The following ZHX3 variants were observed in gnomAD, a reference collection of about 807,000 sequenced individuals.
The protein encoded by ZHX3 is zinc fingers and homeoboxes protein 3.
ZHX3 carries 20 observed loss-of-function variants against 64.5 expected under a neutral mutation model. The ratio of observed to expected loss-of-function variants is 0.31; its 90% CI spans 0.22 to 0.45. The LOEUF (loss-of-function observed/expected upper bound fraction) is 0.45. Among genes scored for constraint, ZHX3 ranks in the 20% least tolerant of loss-of-function variants. The pLI is 1.00. For synonymous variants in ZHX3, 423 were observed against 461.6 expected (o/e 0.92, Z 1.07); for missense variants, 1,041 against 1,195.8 (o/e 0.87, Z 1.91).
intron 2 of ZHX3, among the ~76,000 whole-genome samples, chr20:41,256,756 T>C (rs2042274357): frequency 6.6e-6 from 1 of 151,608 alleles, no homozygotes; most frequent in African/African-American, 2.4e-5. Context: ...CTAGACTCCA[T>C]GCAGACTTCC....
intron 1 of ZHX3, among the ~76,000 whole-genome samples, chr20:41,282,283 T>C (rs2043715379): frequency 1.3e-5 from 2 of 150,852 alleles, no homozygotes; most frequent in Admixed American, 6.6e-5. Flanking sequence ...CAAGTAACAA[T>C]CTTCCTCAAC....
chr20:41,196,341 ATATAAATATATATCT>A (rs1219297827), intron 3 of ZHX3, among the ~76,000 whole-genome samples: 5 of 98,728 alleles, frequency 5.1e-5, no homozygotes, highest in Non-Finnish European at 9.8e-5. Flanking sequence ...TTTATTTCAT[ATATAAATATATATCT>A]TATAAATATA....
At chr20:41,264,124 C>T (rs982573780) in intron 2 of ZHX3, among the ~76,000 whole-genome samples, 11 of 151,892 alleles carry the variant, frequency 7.2e-5, no homozygotes, top group Non-Finnish European at 1.5e-4. Context: ...AATCAAATAA[C>T]TAGGCCAGGC....
intron 2 of ZHX3, among the ~76,000 whole-genome samples, chr20:41,241,081 G>A (rs1317168668): frequency 2.6e-5 from 4 of 152,130 alleles, no homozygotes; most frequent in Admixed American, 6.5e-5. Context: ...GTTTTTAGAG[G>A]AACCTCCAAA....
intron 1 of ZHX3, among the ~76,000 whole-genome samples, chr20:41,312,748 T>A (rs1463359024): frequency 6.6e-6 from 1 of 152,122 alleles, no homozygotes; most frequent in East Asian, 1.9e-4. Flanking sequence ...ACGGCATGTT[T>A]GAGGAACTGA....
chr20:41,189,525 T>C (rs945384971), intron 3 of ZHX3, among the ~76,000 whole-genome samples: 1 of 152,208 alleles, frequency 6.6e-6, no homozygotes, highest in African/African-American at 2.4e-5. Flanking sequence ...TGTTTTACAG[T>C]TTTCCTTGCA....
intron 2 of ZHX3, among the ~76,000 whole-genome samples, chr20:41,207,965 A>G (rs1047652219): frequency 2.6e-5 from 4 of 152,232 alleles, no homozygotes; most frequent in Non-Finnish European, 5.9e-5. Flanking sequence ...AAAGAAGAAA[A>G]GAGAGAAGAA....
At chr20:41,302,007 C>T (rs6129806) in intron 1 of ZHX3, among the ~76,000 whole-genome samples, 81,030 of 141,598 alleles carry the variant, frequency 0.57, 24,116 homozygotes, top group East Asian at 0.82. Context: ...TGAGCCGAGA[C>T]TGCGCCACTG....
Position 41,232,716 on chromosome 20 carries a change from C to T in ZHX3, c.-150-27650G>A, listed in dbSNP as rs533332959. ...GCCATTCTCCTGCCTCAGCCTCCCG[C>T]GGGGGACTACAGGCGCCCACCACCT... is the stretch of plus-strand genomic sequence containing the variant. On this transcript the variant is annotated intron_variant, in intron 2 of 3. Transcript: ENST00000683867. This position sits in a 1 kb window ranked among gnomAD's most constrained non-coding sequence, Gnocchi z 5.0. Among the ~76,000 whole-genome samples the T allele has an allele frequency of 1.4e-4, 21 of 152,052 alleles. No individual in the cohort carries two copies. The South Asian group carries it at 4.2e-3, about 30-fold the overall frequency.
In ZHX3 at chr20:41,278,082, G is replaced by A. The variant is rs549433408; in HGVS notation, c.-244-8999C>T. Among the ~76,000 whole-genome samples the A allele has an allele frequency of 1.4e-4, 20 of 138,548 alleles. 4 individuals are homozygous for A. In the South Asian group the frequency reaches 4.6e-3, roughly 32 times the overall value. 90.9% of individuals were successfully genotyped at this position (138,548 alleles called of 152,430 possible). On this transcript the variant is annotated intron_variant, in intron 1 of 3. Coordinates refer to ENST00000683867, the MANE Select transcript of ZHX3 (RefSeq NM_001384317.1). ...GGGGAGGCTGGGTGTGGTGGCTCAC[G>A]CCTGGGATTGTACACTTTGGGAGGT... is the stretch of plus-strand genomic sequence containing the variant.
intron 2 of ZHX3, among the ~76,000 whole-genome samples, chr20:41,234,340 G>T (rs1475126476): frequency 6.6e-6 from 1 of 152,212 alleles, no homozygotes; most frequent in African/African-American, 2.4e-5. Flanking sequence ...TGTGATTAGG[G>T]TTTGAAAGGG....
chr20:41,277,455 C>A (rs980161898), intron 1 of ZHX3, among the ~76,000 whole-genome samples: 3 of 152,170 alleles, frequency 2.0e-5, no homozygotes, highest in Admixed American at 6.5e-5. Context: ...ATTTGATACA[C>A]TCAAATATAC....
At chr20:41,264,385 CAAAAAAA>C (rs1165922837) in intron 2 of ZHX3, among the ~76,000 whole-genome samples, 5 of 74,502 alleles carry the variant, frequency 6.7e-5, no homozygotes, top group Non-Finnish European at 1.3e-4. Context: ...ACCAAAAATA[CAAAAAAA>C]AAAAAAAAAA....
chr20:41,294,978 G>T (rs374400037), intron 1 of ZHX3, among the ~76,000 whole-genome samples: 2 of 152,264 alleles, frequency 1.3e-5, no homozygotes, highest in South Asian at 2.1e-4. Context: ...ATTATACATA[G>T]GCATGAGCCC....
In ZHX3 at chr20:41,212,105, G is replaced by T. The variant is rs1028992324; in HGVS notation, c.-150-7039C>A. 1.3e-5 allele frequency among the ~76,000 whole-genome samples: 2 copies of T among 152,128 alleles called. No homozygotes were observed. The highest frequency in any genetic ancestry group is 4.8e-5 in the African/African-American group (2 of 41,444). On this transcript the variant is annotated intron_variant, in intron 2 of 3. Coordinates refer to ENST00000683867, the MANE Select transcript of ZHX3 (RefSeq NM_001384317.1). The surrounding 1 kb of genome is among the most constrained non-coding windows in gnomAD (Gnocchi z 4.3). ...AAGGTCACCATCAAGAAAGTGAAAAGATAGACAATCCACAGAAAGAAAAGG... is the reference window on the plus strand; with the variant it reads ...AAGGTCACCATCAAGAAAGTGAAAATATAGACAATCCACAGAAAGAAAAGG...
intron 2 of ZHX3, chr20:41,239,565 G>A (rs1165815888): frequency 1.3e-5 from 2 of 152,320 alleles, no homozygotes; most frequent in Non-Finnish European, 2.9e-5. Context: ...ACTGCCACTG[G>A]GTTAATCACT....
intron 2 of ZHX3, among the ~76,000 whole-genome samples, chr20:41,220,800 C>A (rs1055792991): frequency 6.6e-6 from 1 of 151,876 alleles, no homozygotes; most frequent in African/African-American, 2.4e-5. Context: ...CTCAAGTGAT[C>A]CTCCCGCTTC....
intron 1 of ZHX3, among the ~76,000 whole-genome samples, chr20:41,283,850 A>C (rs974023165): frequency 1.3e-5 from 2 of 152,172 alleles, no homozygotes; most frequent in African/African-American, 4.8e-5. Flanking sequence ...ACTGTCCAGA[A>C]CCCAGCTCCT....
chr20:41,307,090 G>A (rs1198231332), intron 1 of ZHX3, among the ~76,000 whole-genome samples: 1 of 152,188 alleles, frequency 6.6e-6, no homozygotes, highest in Non-Finnish European at 1.5e-5. Context: ...ATAGCTTTGA[G>A]GTAGGCCAAG....
Sources: gnomAD v4.1 joint callset for allele counts (sites outside exome capture counted in the v4.1 genomes callset) on GRCh38, gnomAD v4.1.1 for gene constraint, Gnocchi (gnomAD v3.1) non-coding constraint, MANE v1.5 for transcripts, NCBI Gene and HGNC (gene_info 2026-07-23, HGNC 2026-07-21) for gene names.